The following GRM1 variants were observed in gnomAD, a reference collection of about 807,000 sequenced individuals.
GRM1 encodes the protein glutamate metabotropic receptor 1.
A neutral mutation model predicts 90.9 loss-of-function variants in GRM1; 33 were observed. The observed-to-expected ratio is 0.36, with a 90% CI of 0.28 to 0.49. The LOEUF is 0.49. Ranked by LOEUF, GRM1 falls within the 20% of genes least tolerant of loss-of-function variation. GRM1 has a pLI of 0.99. For missense variants in GRM1, 1,190 were observed against 1,534.3 expected, an observed-to-expected ratio of 0.78 and a Z score of 3.75; for synonymous variants, 700 against 613.2, an observed-to-expected ratio of 1.14 and a Z score of -2.09.
intron 1 of GRM1, among the ~76,000 whole-genome samples, chr6:146,105,881 C>A (rs1310958076): frequency 2.6e-5 from 4 of 152,056 alleles, no homozygotes; most frequent in Non-Finnish European, 4.4e-5. Context: ...ATGTCAGTAC[C>A]CAGGTCACAC....
intron 1 of GRM1, among the ~76,000 whole-genome samples, chr6:146,156,017 G>C (rs1284816353): frequency 6.6e-6 from 1 of 152,224 alleles, no homozygotes; most frequent in Non-Finnish European, 1.5e-5. Flanking sequence ...GTCTAGGGAA[G>C]AGCTGATATT....
intron 7 of GRM1, among the ~76,000 whole-genome samples, chr6:146,408,326 A>T (rs1777429421): frequency 6.6e-6 from 1 of 152,174 alleles, no homozygotes; most frequent in Non-Finnish European, 1.5e-5. Flanking sequence ...CTCATAGCAG[A>T]TGTCTATCGA....
At chr6:146,167,329 G>A (rs2128893392) in intron 2 of GRM1, among the ~76,000 whole-genome samples, 1 of 152,188 alleles carries the variant, frequency 6.6e-6, no homozygotes, top group Admixed American at 6.5e-5. Context: ...TAACTATTTT[G>A]AATAGTCCTG....
At chr6:146,274,184 C>A (rs1289742416) in intron 2 of GRM1, among the ~76,000 whole-genome samples, 1 of 151,198 alleles carries the variant, frequency 6.6e-6, no homozygotes, top group East Asian at 1.9e-4. Context: ...ATCAAGATTT[C>A]TTTTGAATAA....
At chr6:146,240,750 A>G (rs1455132811) in intron 2 of GRM1, among the ~76,000 whole-genome samples, 2 of 152,150 alleles carry the variant, frequency 1.3e-5, no homozygotes, top group Non-Finnish European at 2.9e-5. Context: ...GGTACTTTTT[A>G]AGCAGGATGT....
chr6:146,366,064 T>A (rs752547309), intron 5 of GRM1, among the ~76,000 whole-genome samples: 9 of 152,212 alleles, frequency 5.9e-5, no homozygotes, highest in Admixed American at 3.3e-4. Flanking sequence ...GGGGATAGTA[T>A]GTTTTGTTCA....
chr6:146,203,307 A>G (rs905442991), intron 2 of GRM1, among the ~76,000 whole-genome samples: 5 of 152,164 alleles, frequency 3.3e-5, no homozygotes, highest in South Asian at 4.1e-4. Flanking sequence ...AGTCTGATGA[A>G]GGGGTTACTG....
chr6:146,318,171 C>T lies in GRM1; in HGVS notation c.1186+13325C>T, dbSNP rs560071377. ...CCCTAGCCCCCTATCCCCCAACAGGCCCCAGTGTGTGATGTTCCCCTCCCT... is the reference window on the plus strand; with the variant it reads ...CCCTAGCCCCCTATCCCCCAACAGGTCCCAGTGTGTGATGTTCCCCTCCCT... On this transcript the variant is annotated intron_variant, in intron 3 of 7. Transcript: ENST00000282753. Among the ~76,000 whole-genome samples the T allele has an allele frequency of 2.6e-5, 4 of 152,132 alleles. No individual in the cohort carries two copies. In the South Asian group the frequency reaches 8.3e-4, roughly 32 times the overall value.
At chr6:146,213,660 GAGAT>G (rs1164654642) in intron 2 of GRM1, among the ~76,000 whole-genome samples, 1 of 151,340 alleles carries the variant, frequency 6.6e-6, no homozygotes, top group Non-Finnish European at 1.5e-5. Flanking sequence ...GAACCAATAG[GAGAT>G]AGATAGATAG....
chr6:146,189,508 GTCTGTCGACC>G (rs764071376), intron 2 of GRM1, among the ~76,000 whole-genome samples: 15 of 152,042 alleles, frequency 9.9e-5, no homozygotes, highest in Admixed American at 2.6e-4. Flanking sequence ...AAGCATTCTG[GTCTGTCGACC>G]TGAAATATTG....
chr6:146,358,624 C>CA (rs1775328300), intron 5 of GRM1, among the ~76,000 whole-genome samples: 1 of 152,146 alleles, frequency 6.6e-6, no homozygotes, highest in African/African-American at 2.4e-5. Flanking sequence ...TTGGGAGCTG[C>CA]AAAAACACCC....
intron 2 of GRM1, among the ~76,000 whole-genome samples, chr6:146,224,269 A>G (rs907661466): frequency 1.3e-5 from 2 of 152,158 alleles, no homozygotes; most frequent in Non-Finnish European, 2.9e-5. Context: ...TGAGGTGGGA[A>G]GTGTTGGCTG....
At chr6:146,085,133 A>G (rs1776496103) in intron 1 of GRM1, among the ~76,000 whole-genome samples, 1 of 152,168 alleles carries the variant, frequency 6.6e-6, no homozygotes, top group African/African-American at 2.4e-5. Flanking sequence ...ATGATTTTCT[A>G]AATATTAAAG....
intron 3 of GRM1, among the ~76,000 whole-genome samples, chr6:146,342,885 T>C (rs1017713442): frequency 6.6e-6 from 1 of 152,250 alleles, no homozygotes; most frequent in Non-Finnish European, 1.5e-5. Flanking sequence ...TAATGTCTTA[T>C]ATTGCTACGT....
At chr6:146,242,091 G>T (rs1047124204) in intron 2 of GRM1, among the ~76,000 whole-genome samples, 1 of 152,108 alleles carries the variant, frequency 6.6e-6, no homozygotes, top group African/African-American at 2.4e-5. Flanking sequence ...CTCAGAGTCA[G>T]GAATGGGCAA....
At chr6:146,068,551 G>A (rs1387840307) in intron 1 of GRM1, among the ~76,000 whole-genome samples, 1 of 152,208 alleles carries the variant, frequency 6.6e-6, no homozygotes, top group Non-Finnish European at 1.5e-5. Flanking sequence ...AAGGAATGTG[G>A]CAAGTCATGA....
intron 3 of GRM1, 98 bp downstream of exon 3, chr6:146,304,944 G>A (rs973113955): frequency 1.2e-6 from 1 of 866,304 alleles, no homozygotes; most frequent in South Asian, 1.4e-5. Context: ...CAGGGCTAGA[G>A]ATCCAAAGAC....
At chr6:146,415,491 T>G (rs1174188357) in intron 7 of GRM1, among the ~76,000 whole-genome samples, 1 of 152,226 alleles carries the variant, frequency 6.6e-6, no homozygotes, top group East Asian at 1.9e-4. Flanking sequence ...AAATGACTGG[T>G]ACTTTTGTCA....
intron 2 of GRM1, among the ~76,000 whole-genome samples, chr6:146,216,147 A>G (rs1282144828): frequency 1.3e-5 from 2 of 152,170 alleles, no homozygotes; most frequent in Non-Finnish European, 2.9e-5. Flanking sequence ...GATTATATAT[A>G]TGTATGTATA....
Sources: gnomAD v4.1 joint callset for allele counts (sites outside exome capture counted in the v4.1 genomes callset) on GRCh38, gnomAD v4.1.1 for gene constraint, MANE v1.5 for transcripts, NCBI Gene and HGNC (gene_info 2026-07-23, HGNC 2026-07-21) for gene names.